OSBPL1A: variants seen among roughly 807,000 people sequenced by gnomAD.
OSBPL1A encodes oxysterol binding protein like 1A.
In OSBPL1A, 80 loss-of-function variants were observed where a neutral mutation model predicts 137.1. The observed-to-expected ratio is 0.58, with a 90% CI of 0.49 to 0.70. The LOEUF is 0.70. OSBPL1A is among the 30% of genes least tolerant of loss of function. The pLI, the probability that OSBPL1A is intolerant of heterozygous loss-of-function variation, is 0.00. For missense variants in OSBPL1A, 970 were observed against 1,129.4 expected, an observed-to-expected ratio of 0.86 and a Z score of 2.02; for synonymous variants, 365 against 389.7, an observed-to-expected ratio of 0.94 and a Z score of 0.75.
At chr18:24,180,310 A>C (rs16940535) in intron 19 of OSBPL1A, among the ~76,000 whole-genome samples, 5,806 of 152,252 alleles carry the variant, frequency 0.038, 374 homozygotes, top group African/African-American at 0.13. Flanking sequence ...CAATGTGTCC[A>C]CTATACTCTA....
chr18:24,206,562 C>T (rs999329423), intron 17 of OSBPL1A, among the ~76,000 whole-genome samples: 4 of 152,132 alleles, frequency 2.6e-5, no homozygotes, highest in Non-Finnish European at 5.9e-5. Flanking sequence ...AATTTTACTG[C>T]GCCTTAAACA....
chr18:24,264,343 A>G (rs1250716122), intron 15 of OSBPL1A, among the ~76,000 whole-genome samples: 1 of 152,116 alleles, frequency 6.6e-6, no homozygotes, highest in Non-Finnish European at 1.5e-5. Flanking sequence ...TATAAAGGGG[A>G]GTAAGAGTAT....
intron 16 of OSBPL1A, among the ~76,000 whole-genome samples, chr18:24,233,938 C>G (rs1430587616): frequency 6.6e-6 from 1 of 152,128 alleles, no homozygotes; most frequent in Non-Finnish European, 1.5e-5. Flanking sequence ...CAGGTGTGAG[C>G]CTCTGCGGGG....
chr18:24,166,959 A>T (rs2086158534), intron 25 of OSBPL1A, among the ~76,000 whole-genome samples: 1 of 152,212 alleles, frequency 6.6e-6, no homozygotes. Context: ...ATAGAACTCT[A>T]AGCAAAAATC....
rs2088150506 is a variant in OSBPL1A, at chr18:24,228,188, G to C, written c.1445-2990C>G. On this transcript the variant is annotated intron_variant, in intron 16 of 27. Coordinates refer to ENST00000319481, the MANE Select transcript of OSBPL1A (RefSeq NM_080597.4). ...GGATGCTCCATCAGATGACAGTGCA[G>C]ACCCTGTCCTCTGTGATTAGCAGCC... Among the ~76,000 whole-genome samples, 4 of 152,104 alleles carry C rather than the reference G, an allele frequency of 2.6e-5. No homozygotes were observed. In the South Asian group the frequency reaches 8.3e-4, roughly 32 times the overall value.
chr18:24,353,293 C>T (rs865911506), intron 4 of OSBPL1A, among the ~76,000 whole-genome samples: 9,667 of 152,144 alleles, frequency 0.064, 382 homozygotes, highest in Middle Eastern at 0.095. Flanking sequence ...AAGACATTTA[C>T]GCAGCCAAAA....
chr18:24,179,664 G>A (rs910480882), intron 20 of OSBPL1A, 74 bp downstream of exon 20: 25 of 1,242,976 alleles, frequency 2.0e-5, no homozygotes, highest in South Asian at 1.2e-4. Context: ...ATTGTTATTC[G>A]TGATGACCAA....
At chr18:24,356,595 T>A (rs1380774198) in intron 4 of OSBPL1A, among the ~76,000 whole-genome samples, 1 of 152,162 alleles carries the variant, frequency 6.6e-6, no homozygotes, top group Non-Finnish European at 1.5e-5. Flanking sequence ...AGTCCCTGAA[T>A]ATGAAATTGG....
At chr18:24,318,939 A>G in intron 7 of OSBPL1A, 130 bp from the exon 8 acceptor site, 4 of 784,748 alleles carry the variant, frequency 5.1e-6, no homozygotes, top group Non-Finnish European at 8.3e-6. Context: ...CCAGAAAATT[A>G]CCTACCAGAG....
At position 24,187,495 on chromosome 18, in the gene OSBPL1A, G is replaced by A. The variant is rs547001543; in HGVS notation, c.1678-6216C>T. On this transcript the variant is annotated intron_variant, in intron 18 of 27. Coordinates refer to ENST00000319481, the MANE Select transcript of OSBPL1A (RefSeq NM_080597.4). Reference sequence around the variant, plus strand: ...CCTAGCTGTACTACCTACTGCTTGCGTGGCAGCCAGCAAGTCCCTAACCTC... The same window carrying A: ...CCTAGCTGTACTACCTACTGCTTGCATGGCAGCCAGCAAGTCCCTAACCTC... Among the ~76,000 whole-genome samples the A allele has an allele frequency of 1.1e-4, 16 of 152,192 alleles. No individual in the cohort carries two copies. In the South Asian group the frequency reaches 2.7e-3, roughly 26 times the overall value.
In OSBPL1A at chr18:24,271,522, C is replaced by CTGGA; in HGVS notation, c.1281+9316_1281+9319dup. 10 of 978,484 alleles carry CTGGA rather than the reference C, an allele frequency of 1.0e-5. No individual in the cohort carries two copies. Among genetic ancestry groups the CTGGA allele is most frequent in the Non-Finnish European group, 1.2e-5 (10 of 823,582 alleles). 60.6% of individuals were successfully genotyped at this position (978,484 alleles called of 1,614,324 possible). ...ACTATTCTTGGATCTACTCACATCC[C>CTGGA]TGGATCAAGTCTGGCCGCCCTCCCC... On this transcript the variant is annotated intron_variant, in intron 15 of 27. Coordinates refer to ENST00000319481, the MANE Select transcript of OSBPL1A (RefSeq NM_080597.4). The surrounding 1 kb of genome is among the most constrained non-coding windows in gnomAD (Gnocchi z 4.0).
intron 15 of OSBPL1A, among the ~76,000 whole-genome samples, chr18:24,256,015 G>A (rs1006103280): frequency 2.6e-5 from 4 of 151,960 alleles, no homozygotes; most frequent in African/African-American, 7.3e-5. Flanking sequence ...GGCTGGTCTC[G>A]AACTCCTAGC....
At chr18:24,357,414 T>A (rs1210688239) in intron 4 of OSBPL1A, 1 of 152,142 alleles carries the variant, frequency 6.6e-6, no homozygotes, top group Non-Finnish European at 1.5e-5. Flanking sequence ...AACAATTAGA[T>A]ATGCATTTGC....
At chr18:24,389,897 G>T (rs1183364987) in intron 1 of OSBPL1A, among the ~76,000 whole-genome samples, 1 of 151,948 alleles carries the variant, frequency 6.6e-6, no homozygotes, top group African/African-American at 2.4e-5. Flanking sequence ...ACCCGAGATC[G>T]CACCACTGCA....
chr18:24,209,203 C>G (rs956235378), intron 17 of OSBPL1A, among the ~76,000 whole-genome samples: 1 of 152,078 alleles, frequency 6.6e-6, no homozygotes, highest in Non-Finnish European at 1.5e-5. Flanking sequence ...GGATTAGTAT[C>G]CAGAATACAT....
chr18:24,278,692 G>C (rs1217708946), intron 15 of OSBPL1A, among the ~76,000 whole-genome samples: 1 of 152,158 alleles, frequency 6.6e-6, no homozygotes, highest in East Asian at 1.9e-4. Context: ...TCTGGAACAA[G>C]AAAGCTATCG....
At position 24,312,117 on chromosome 18, in the gene OSBPL1A, G is replaced by T. The variant is rs761110212; in HGVS notation, c.970-11C>A. On this transcript the variant is annotated splice_polypyrimidine_tract_variant and intron_variant, in intron 12 of 27. Transcript: ENST00000319481. ...TGCTTCCAGCCAGTCCTGAAATCAT[G>T]CAAGAATTTAAATGAGAGTGAAAAG... is the stretch of plus-strand genomic sequence containing the variant. The T allele has an allele frequency of 1.9e-6, 3 of 1,612,656 alleles. No individual in the cohort carries two copies. The highest frequency in any genetic ancestry group is 2.2e-5 in the South Asian group (2 of 90,694).
At position 24,317,221 on chromosome 18, in the gene OSBPL1A, T is replaced by C; in HGVS notation, c.807-9A>G. ...TATGAACTGCATCAGGCCTTCAAAA[T>C]AAAAATGAAATTATCAAGACAAAAG... On this transcript the variant is annotated splice_polypyrimidine_tract_variant and intron_variant, in intron 10 of 27. Transcript: ENST00000319481. 2 of 1,613,632 alleles carry C rather than the reference T, an allele frequency of 1.2e-6. No individual in the cohort carries two copies. The highest frequency in any genetic ancestry group is 1.7e-6 in the Non-Finnish European group (2 of 1,179,794).
rs1033486224 is a variant in OSBPL1A, at chr18:24,271,272, C to G, written c.1281+9570G>C. Among the ~76,000 whole-genome samples the G allele has an allele frequency of 1.3e-5, 2 of 152,172 alleles. No individual in the cohort carries two copies. On this transcript the variant is annotated intron_variant, in intron 15 of 27. Transcript: ENST00000319481. The surrounding 1 kb of genome is among the most constrained non-coding windows in gnomAD (Gnocchi z 4.0). ...CACTAACTTGGAAGGTTATTTAGGA[C>G]AATAATGTCTTTCACTGTCTTACTC... is the stretch of plus-strand genomic sequence containing the variant.
Sources: allele counts gnomAD v4.1 joint callset (sites outside exome capture counted in the v4.1 genomes callset), GRCh38; gene constraint gnomAD v4.1.1; non-coding constraint Gnocchi (gnomAD v3.1); transcripts MANE v1.5; gene names NCBI Gene and HGNC (gene_info 2026-07-23, HGNC 2026-07-21).